The following BAHCC1 variants were observed in gnomAD, a reference collection of about 807,000 sequenced individuals.
BAHCC1 encodes BAH domain and coiled-coil containing 1.
A neutral mutation model predicts 88.2 loss-of-function variants in BAHCC1; 43 were observed. The ratio of observed to expected loss-of-function variants is 0.49; its 90% CI spans 0.38 to 0.63. The LOEUF is 0.63. Among genes scored for constraint, BAHCC1 ranks in the 20% least tolerant of loss-of-function variants. The probability of loss-of-function intolerance (pLI) is 0.00; values close to 1 mark genes in which losing one functional copy is unlikely to be tolerated. For missense variants in BAHCC1, 3,023 were observed against 1,654.8 expected (o/e 1.83, Z -14.34); for synonymous variants, 1,510 against 745.5 (o/e 2.03, Z -16.71).
chr17:81,462,693 C>T, intron 26 of BAHCC1, 47 bp from the exon 27 acceptor site: 1 of 715,918 alleles, frequency 1.4e-6, no homozygotes, highest in Non-Finnish European at 2.6e-6. Flanking sequence ...CACCTGTCCC[C>T]ACAGCCCCCC....
chr17:81,466,178 G>A lies in BAHCC1; in HGVS notation c.*2361G>A, dbSNP rs959692573. The A allele has an allele frequency of 2.0e-4, 30 of 152,540 alleles. No homozygotes were observed. The highest frequency in any genetic ancestry group is 6.8e-4 in the African/African-American group (28 of 41,442). 9.4% of individuals were successfully genotyped at this position (152,540 alleles called of 1,614,324 possible). A position where few individuals can be genotyped will look rare whatever the true frequency, so the allele number is the denominator to read the frequency against. ...TGTAAATGTGTAAACTAAGGGGATG[G>A]TTGGATTTTTTTTCAATGTAAACAC... On this transcript the variant is annotated 3_prime_UTR_variant, in exon 28 of 28. Coordinates refer to ENST00000675386, the MANE Select transcript of BAHCC1 (RefSeq NM_001377448.1).
chr17:81,447,737 C>T lies in BAHCC1; in HGVS notation c.3865C>T (p.Pro1289Ser), dbSNP rs374971809. 4.1e-6 allele frequency: 3 copies of T among 734,114 alleles called. No individual in the cohort carries two copies. Among genetic ancestry groups the T allele is most frequent in the East Asian group, 2.6e-5 (1 of 38,430 alleles). 45.5% of individuals were successfully genotyped at this position (734,114 alleles called of 1,614,324 possible). A position where few individuals can be genotyped will look rare whatever the true frequency, so the allele number is the denominator to read the frequency against. Residue 1289 changes from proline (P) to serine (S), a missense_variant, in exon 11 of 28, where the codon CCC becomes TCC. Pro to Ser is a moderately conservative substitution (Grantham distance 74). Transcript: ENST00000675386. Reference sequence around the variant, plus strand: ...CCCTCAGCCCCCAGCGGCCTCTGGGCCCCCCAGCACAGTCCCCCTGCCTCA... The same window carrying T: ...CCCTCAGCCCCCAGCGGCCTCTGGGTCCCCCAGCACAGTCCCCCTGCCTCA... ...PDPQPPAASGPPSTVPLPHSS... is the reference protein window; with the variant it reads ...PDPQPPAASGSPSTVPLPHSS...
intron 10 of BAHCC1, chr17:81,446,798 C>T (rs566551644): frequency 3.0e-6 from 2 of 674,128 alleles, no homozygotes; most frequent in East Asian, 2.8e-5. Flanking sequence ...AATGATCCAT[C>T]CACCTCAGCC....
chr17:81,415,591 A>G (rs781934931), intron 2 of BAHCC1: 2 of 510,914 alleles, frequency 3.9e-6, no homozygotes, highest in Non-Finnish European at 3.9e-6. Flanking sequence ...TTCCTGGGAT[A>G]CTACAGCCTG....
Position 81,447,751 on chromosome 17 carries a change from C to T in BAHCC1, c.3879C>T (p.Val1293=), listed in dbSNP as rs370284340. ...PPAASGPPST[V]PLPHSSGIHG... Reference sequence around the variant, plus strand: ...CGGCCTCTGGGCCCCCCAGCACAGTCCCCCTGCCTCATAGCTCAGGGATTC... The same window carrying T: ...CGGCCTCTGGGCCCCCCAGCACAGTTCCCCTGCCTCATAGCTCAGGGATTC... The change falls in exon 11 of 28, where the codon GTC becomes GTT. Residue 1293 remains valine, a synonymous_variant. Coordinates refer to ENST00000675386, the MANE Select transcript of BAHCC1 (RefSeq NM_001377448.1). 6.5e-5 allele frequency: 48 copies of T among 739,248 alleles called. No homozygotes were observed. In the Middle Eastern group the frequency reaches 6.8e-4, roughly 10 times the overall value. 45.8% of individuals were successfully genotyped at this position (739,248 alleles called of 1,614,324 possible). A position where few individuals can be genotyped will look rare whatever the true frequency, so the allele number is the denominator to read the frequency against.
At chr17:81,397,176 C>G (rs1489744546) in intron 1 of BAHCC1, 10 of 152,206 alleles carry the variant, frequency 6.6e-5, no homozygotes, top group African/African-American at 2.2e-4. Context: ...AAGAAAAGCT[C>G]TCTCCAATCC....
At chr17:81,432,606 CCGTCCCCA>C (rs2064276433) in intron 3 of BAHCC1, among the ~76,000 whole-genome samples, 1 of 127,084 alleles carries the variant, frequency 7.9e-6, no homozygotes. Context: ...GACCCAACCT[CCGTCCCCA>C]GCCCTGGACC....
Position 81,463,794 on chromosome 17 carries a change from G to A in BAHCC1, c.7804G>A (p.Asp2602Asn), listed in dbSNP as rs1555660127. Residue 2602 changes from aspartate to asparagine, a missense_variant, in exon 28 of 28, where the codon GAT becomes AAT. Coordinates refer to ENST00000675386, the MANE Select transcript of BAHCC1 (RefSeq NM_001377448.1). ...DPTTGRLVTA[D>N]GVPILC is the part of the protein sequence containing the mutation. ...CACCACCGGGCGCCTGGTGACGGCT[G>A]ATGGCGTGCCCATCCTATGCTGAGC... 2.7e-6 allele frequency: 2 copies of A among 747,830 alleles called. No homozygotes were observed. Among genetic ancestry groups the A allele is most frequent in the South Asian group, 2.8e-5 (2 of 71,182 alleles). The allele number at this position is 747,830 out of a possible 1,614,324, so 46.3% of individuals were successfully genotyped here.
chr17:81,439,316 T>A (rs2064379683), intron 4 of BAHCC1, among the ~76,000 whole-genome samples: 1 of 151,892 alleles, frequency 6.6e-6, no homozygotes, highest in South Asian at 2.1e-4. Flanking sequence ...CAGGTTCCAG[T>A]GAGAAGCGAT....
rs781816871 is a variant in BAHCC1 at position 81,462,765 on chromosome 17, G to T, written c.7409G>T (p.Arg2470Leu). 1.3e-6 allele frequency: 1 copy of T among 771,882 alleles called. No individual in the cohort carries two copies. Among genetic ancestry groups the T allele is most frequent in the Non-Finnish European group, 2.4e-6 (1 of 412,510 alleles). 47.8% of individuals were successfully genotyped at this position (771,882 alleles called of 1,614,324 possible). Residue 2470 changes from arginine to leucine, a missense_variant, in exon 27 of 28, where the codon CGG (arginine) becomes CTG (leucine). By Grantham distance (102) the Arg-to-Leu change is moderately radical. Coordinates refer to ENST00000675386, the MANE Select transcript of BAHCC1 (RefSeq NM_001377448.1). ...CGGCGTGGCATGAAGGGGAAGGCCCGGAAGCTGTTCTACAAGGCCATCGTG... is the reference window on the plus strand; with the variant it reads ...CGGCGTGGCATGAAGGGGAAGGCCCTGAAGCTGTTCTACAAGGCCATCGTG... ...TQRRGMKGKA[R>L]KLFYKAIVRG...
Position 81,442,702 on chromosome 17 carries a change from G to T in BAHCC1, c.1353G>T (p.Glu451Asp). The change falls in exon 5 of 28, where the codon GAG becomes GAT. Residue 451 changes from glutamate (E) to aspartate (D), a missense_variant. Physicochemically the swap from Glu to Asp is conservative, Grantham distance 45 (BLOSUM62 2). Transcript: ENST00000675386. ...ACCTGAAGGCCGAGGGCAAGGGCGA[G>T]CGGCGGCCTGGGGGCTTTGAGGCGG... ...YAHLKAEGKGERRPGGFEAAL... is the reference protein window; with the variant it reads ...YAHLKAEGKGDRRPGGFEAAL... 1 of 774,618 alleles carries T rather than the reference G, an allele frequency of 1.3e-6. No homozygotes were observed. The highest frequency in any genetic ancestry group is 2.4e-6 in the Non-Finnish European group (1 of 415,852). 48.0% of individuals were successfully genotyped at this position (774,618 alleles called of 1,614,324 possible). A position where few individuals can be genotyped will look rare whatever the true frequency, so the allele number is the denominator to read the frequency against.
intron 5 of BAHCC1, 55 bp from the exon 6 acceptor site, chr17:81,443,754 G>T: frequency 1.4e-6 from 1 of 700,300 alleles, no homozygotes; most frequent in Non-Finnish European, 2.6e-6. Context: ...TGCCTTAGCT[G>T]GTGGCTCCCT....
intron 10 of BAHCC1, chr17:81,446,725 A>C: frequency 2.0e-6 from 1 of 510,882 alleles, no homozygotes; most frequent in East Asian, 4.7e-5. Context: ...ATTGTTCTTT[A>C]ATTTTTTTGT....
chr17:81,459,750 C>T lies in BAHCC1; in HGVS notation c.5905+146C>T. On this transcript the variant is annotated intron_variant, in intron 23 of 27. Coordinates refer to ENST00000675386, the MANE Select transcript of BAHCC1 (RefSeq NM_001377448.1). ...GAGTACGACAATAAAATGAGCTCCC[C>T]AGGCGCCATGAAAAAGCACAGGGTG... 3 of 538,760 alleles carry T rather than the reference C, an allele frequency of 5.6e-6. No individual in the cohort carries two copies. The South Asian group carries it at 5.8e-5, about 10-fold the overall frequency. 33.4% of individuals were successfully genotyped at this position (538,760 alleles called of 1,614,324 possible).
chr17:81,459,671 C>T (rs2030070292), intron 23 of BAHCC1, 67 bp downstream of exon 23: 2 of 769,498 alleles, frequency 2.6e-6, no homozygotes, highest in Non-Finnish European at 4.8e-6. Flanking sequence ...TATCTGCCCC[C>T]AACAGCCTGG....
Position 81,399,209 on chromosome 17 carries a change from A to T in BAHCC1, c.-206-325A>T. ...GTTTTTATCACCCAGCAGAGCCAGC[A>T]GCCTCTTCGCCGCGGCGCCCTAGCT... On this transcript the variant is annotated intron_variant, in intron 1 of 27. Coordinates refer to ENST00000675386, the MANE Select transcript of BAHCC1 (RefSeq NM_001377448.1). This position sits in a 1 kb window ranked among gnomAD's most constrained non-coding sequence, Gnocchi z 4.5. 2 of 426,382 alleles carry T rather than the reference A, an allele frequency of 4.7e-6. No individual in the cohort carries two copies. The highest frequency in any genetic ancestry group is 9.4e-6 in the Non-Finnish European group (2 of 212,828). The allele number at this position is 426,382 out of a possible 1,614,324, so 26.4% of individuals were successfully genotyped here. A position where few individuals can be genotyped will look rare whatever the true frequency, so the allele number is the denominator to read the frequency against.
At chr17:81,432,209 C>T (rs1046243803) in intron 3 of BAHCC1, among the ~76,000 whole-genome samples, 13 of 152,232 alleles carry the variant, frequency 8.5e-5, no homozygotes, top group African/African-American at 2.9e-4. Context: ...GGATGGGGTG[C>T]GGCCTTCCTA....
At chr17:81,400,214 A>T (rs1307203995) in intron 2 of BAHCC1, among the ~76,000 whole-genome samples, 1 of 152,104 alleles carries the variant, frequency 6.6e-6, no homozygotes, top group Non-Finnish European at 1.5e-5. Flanking sequence ...CCCCTCCTGC[A>T]GATCTAAATT....
At position 81,442,508 on chromosome 17, in the gene BAHCC1, C is replaced by A. The variant is rs2064440374; in HGVS notation, c.1159C>A (p.Leu387Ile). Residue 387 changes from leucine (L) to isoleucine (I), a missense_variant, in exon 5 of 28, where the codon CTA becomes ATA. Physicochemically the swap from Leu to Ile is conservative, Grantham distance 5. Transcript: ENST00000675386. ...GCTGCAGGACAAAGCCCCCCGGGAC[C>A]TAAAGGCCAGCGGGCCCACCTTCGT... ...CPLQDKAPRDLKASGPTFVPS... is the reference protein window; with the variant it reads ...CPLQDKAPRDIKASGPTFVPS... The A allele has an allele frequency of 1.4e-6, 1 of 721,434 alleles. No individual in the cohort carries two copies. The highest frequency in any genetic ancestry group is 2.6e-6 in the Non-Finnish European group (1 of 389,552). 44.7% of individuals were successfully genotyped at this position (721,434 alleles called of 1,614,324 possible).
Sources: gnomAD v4.1 joint callset for allele counts (sites outside exome capture counted in the v4.1 genomes callset) on GRCh38, gnomAD v4.1.1 for gene constraint, Gnocchi (gnomAD v3.1) non-coding constraint, MANE v1.5 for transcripts, NCBI Gene and HGNC (gene_info 2026-07-23, HGNC 2026-07-21) for gene names.